RGPD2: variants seen among roughly 807,000 people sequenced by gnomAD.
RGPD2 encodes RANBP2-like and GRIP domain-containing protein 2.
Under a neutral mutation model 36.0 loss-of-function variants are expected in RGPD2, and 2 were observed. The observed-to-expected ratio is 0.06, with a 90% CI of 0.02 to 0.17. RGPD2 has a LOEUF of 0.17. Among genes scored for constraint, RGPD2 ranks in the 10% least tolerant of loss-of-function variants. The pLI, the probability that RGPD2 is intolerant of heterozygous loss-of-function variation, is 1.00. For synonymous variants in RGPD2, 19 were observed against 163.8 expected (o/e 0.12, Z 6.75); for missense variants, 40 against 464.3 (o/e 0.09, Z 8.40).
chr2:87,970,299 A>G, the RGPD2 span, among the ~76,000 whole-genome samples: 4 of 151,654 alleles, frequency 2.6e-5, no homozygotes, highest in South Asian at 8.3e-4. Context: ...ATATATGTGT[A>G]TACATATTTA....
chr2:87,985,781 A>G, the RGPD2 span: 9 of 1,610,758 alleles, frequency 5.6e-6, no homozygotes, highest in Admixed American at 1.7e-5. Flanking sequence ...TCATGAGACA[A>G]GTCACAAATA....
the RGPD2 span, among the ~76,000 whole-genome samples, chr2:87,962,168 G>C: frequency 1.4e-5 from 2 of 148,116 alleles, no homozygotes; most frequent in Non-Finnish European, 3.0e-5. Context: ...CTTCAAAAAT[G>C]TCTATTTTGG....
At chr2:87,968,709 A>G in the RGPD2 span, 1 of 234,680 alleles carries the variant, frequency 4.3e-6, no homozygotes, top group East Asian at 1.4e-4. Flanking sequence ...AAGCCAAGTG[A>G]TTGACCATTA....
the RGPD2 span, among the ~76,000 whole-genome samples, chr2:87,855,003 T>A: frequency 2.6e-5 from 4 of 152,078 alleles, no homozygotes; most frequent in Admixed American, 2.0e-4. Context: ...TGTCCGTGTG[T>A]GTGTGTGTGC....
chr2:87,876,765 T>C, the RGPD2 span, among the ~76,000 whole-genome samples: 2 of 152,190 alleles, frequency 1.3e-5, no homozygotes, highest in Non-Finnish European at 2.9e-5. Context: ...TCTTCGTTAA[T>C]TCTCTGTCTC....
chr2:87,943,391 G>C, the RGPD2 span, among the ~76,000 whole-genome samples: 3 of 151,380 alleles, frequency 2.0e-5, no homozygotes, highest in African/African-American at 7.3e-5. Flanking sequence ...TTGGCCACTT[G>C]TATTTTTTTG....
At chr2:87,843,542 C>T in the RGPD2 span, among the ~76,000 whole-genome samples, 2 of 136,052 alleles carry the variant, frequency 1.5e-5, no homozygotes, top group Non-Finnish European at 1.6e-5. Context: ...GAATGGCAAT[C>T]ACTAAAAAGT....
chr2:87,974,136 G>A, the RGPD2 span, among the ~76,000 whole-genome samples: 2 of 144,736 alleles, frequency 1.4e-5, no homozygotes, highest in Non-Finnish European at 3.0e-5. Flanking sequence ...CTTTTTGTTA[G>A]CCAATCTGTC....
At chr2:87,874,784 G>C in the RGPD2 span, among the ~76,000 whole-genome samples, 1 of 152,218 alleles carries the variant, frequency 6.6e-6, no homozygotes, top group Admixed American at 6.5e-5. Context: ...TAGTTTAATG[G>C]GAATAGCATT....
chr2:87,884,866 G>T, the RGPD2 span, among the ~76,000 whole-genome samples: 2 of 152,126 alleles, frequency 1.3e-5, no homozygotes, highest in South Asian at 2.1e-4. Context: ...AACATTTAAA[G>T]AACTAATGCC....
chr2:87,763,168 T>C (rs992442869), intron 22 of RGPD2, among the ~76,000 whole-genome samples: 3 of 66,008 alleles, frequency 4.5e-5, no homozygotes, highest in Non-Finnish European at 8.4e-5. Flanking sequence ...AGTAGTGTTT[T>C]TTTTTCTGAG....
chr2:87,868,794 C>G, the RGPD2 span, among the ~76,000 whole-genome samples: 3 of 152,100 alleles, frequency 2.0e-5, no homozygotes, highest in East Asian at 5.8e-4. Context: ...GCAAATACCT[C>G]TGTATCAGAG....
At chr2:87,825,461 A>C (rs1237210999) in intron 1 of RGPD2, among the ~76,000 whole-genome samples, 197 bp downstream of exon 1, 1 of 89,578 alleles carries the variant, frequency 1.1e-5, no homozygotes, top group Admixed American at 1.1e-4. Flanking sequence ...GCCGAGGCCG[A>C]GGCCGAGGCC....
At chr2:87,930,674 G>C in the RGPD2 span, among the ~76,000 whole-genome samples, 1 of 151,072 alleles carries the variant, frequency 6.6e-6, no homozygotes, top group East Asian at 2.0e-4. Context: ...GTAAAGTTCA[G>C]ATTTCAATTC....
At chr2:87,912,354 G>A in the RGPD2 span, among the ~76,000 whole-genome samples, 1 of 151,604 alleles carries the variant, frequency 6.6e-6, no homozygotes, top group African/African-American at 2.4e-5. Context: ...CTCTTGAGGT[G>A]AACAATGCAC....
chr2:87,948,999 CT>C, the RGPD2 span, among the ~76,000 whole-genome samples: 2 of 138,220 alleles, frequency 1.4e-5, no homozygotes, highest in Non-Finnish European at 3.1e-5. Context: ...AAAACATTAG[CT>C]GGATGTGGTG....
At chr2:87,857,209 A>C in the RGPD2 span, among the ~76,000 whole-genome samples, 4 of 152,250 alleles carry the variant, frequency 2.6e-5, no homozygotes, top group Admixed American at 1.3e-4. Flanking sequence ...CATAGCATAG[A>C]TTAGGAAAAT....
the RGPD2 span, among the ~76,000 whole-genome samples, chr2:87,913,773 C>G: frequency 1.3e-5 from 2 of 151,668 alleles, no homozygotes; most frequent in Admixed American, 1.3e-4. Context: ...TTTTTAACAA[C>G]GAGAAATTCA....
the RGPD2 span, among the ~76,000 whole-genome samples, chr2:87,960,119 G>A: frequency 1.4e-5 from 2 of 147,514 alleles, no homozygotes; most frequent in African/African-American, 2.5e-5. Flanking sequence ...ACATAGTCGT[G>A]TTTGTCTCCC....
Sources: gnomAD v4.1 joint callset for allele counts (sites outside exome capture counted in the v4.1 genomes callset) on GRCh38, gnomAD v4.1.1 for gene constraint, MANE v1.5 for transcripts, NCBI Gene and HGNC (gene_info 2026-07-23, HGNC 2026-07-21) for gene names.